DNAH5: variants seen among roughly 807,000 people sequenced by gnomAD.
The protein encoded by DNAH5 is dynein axonemal heavy chain 5.
DNAH5 carries 372 observed loss-of-function variants against 518.2 expected under a neutral mutation model. The ratio of observed to expected loss-of-function variants is 0.72; its 90% CI spans 0.66 to 0.78. The LOEUF is 0.78. Ranked by LOEUF, DNAH5 falls within the 30% of genes least tolerant of loss-of-function variation. The pLI is 0.00. For missense variants in DNAH5, 5,523 were observed against 5,687.0 expected (o/e 0.97, Z 0.93); for synonymous variants, 2,039 against 2,025.9 (o/e 1.01, Z -0.17).
At chr5:13,697,767 ATC>A (rs1270866110) in intron 78 of DNAH5, among the ~76,000 whole-genome samples, 1 of 152,182 alleles carries the variant, frequency 6.6e-6, no homozygotes, top group Non-Finnish European at 1.5e-5. Context: ...AACCCAGCAC[ATC>A]CATTACCACC....
chr5:13,744,485 T>C (rs974765872), intron 65 of DNAH5, among the ~76,000 whole-genome samples: 1 of 152,022 alleles, frequency 6.6e-6, no homozygotes, highest in Non-Finnish European at 1.5e-5. Flanking sequence ...CGAAGGAGAA[T>C]ATTGAATGTT....
At chr5:13,816,005 A>G (rs1761396869) in intron 42 of DNAH5, among the ~76,000 whole-genome samples, 1 of 152,188 alleles carries the variant, frequency 6.6e-6, no homozygotes, top group Non-Finnish European at 1.5e-5. Flanking sequence ...AGACTTCTCA[A>G]GGAAGCAGAA....
chr5:13,842,446 A>AGAAAGAAG (rs1765362836), intron 32 of DNAH5, among the ~76,000 whole-genome samples: 1 of 113,824 alleles, frequency 8.8e-6, no homozygotes, highest in African/African-American at 3.8e-5. Context: ...AAAGAAAGAA[A>AGAAAGAAG]GAAAGAAAGA....
Position 13,768,922 on chromosome 5 carries a change from GC to G in DNAH5, c.9897+37del. The G allele has an allele frequency of 2.5e-6, 4 of 1,608,640 alleles. No individual in the cohort carries two copies. The South Asian group carries it at 4.4e-5, about 18-fold the overall frequency. ...TTTTTAGCATTAGTCTGCCTCTTAA[GC>G]CCTAAAGCTGACATCTGTTATATCA... On this transcript the variant is annotated intron_variant, in intron 58 of 78. Coordinates refer to ENST00000265104, the MANE Select transcript of DNAH5 (RefSeq NM_001369.3).
chr5:13,928,808 G>A lies in DNAH5; in HGVS notation c.193-630C>T, dbSNP rs554221757. Among the ~76,000 whole-genome samples the A allele has an allele frequency of 3.8e-4, 58 of 152,278 alleles. 2 individuals carry two copies. Among genetic ancestry groups the A allele is most frequent in the African/African-American group, 1.2e-3 (51 of 41,552 alleles). ...AAGATAAAATCCACACACCCATTAGGCATTAGGATGGCTACCACCAAAAAA... is the reference window on the plus strand; with the variant it reads ...AAGATAAAATCCACACACCCATTAGACATTAGGATGGCTACCACCAAAAAA... On this transcript the variant is annotated intron_variant, in intron 2 of 78. Transcript: ENST00000265104.
upstream of DNAH5, among the ~76,000 whole-genome samples, chr5:13,946,244 G>A (rs1779906290): frequency 6.6e-6 from 1 of 152,226 alleles, no homozygotes; most frequent in Admixed American, 6.5e-5. Flanking sequence ...CGCTTGGGGA[G>A]AGTTACTTCC....
rs1283070426 is a variant in DNAH5 at position 13,753,247 on chromosome 5, G to T, written c.10858C>A (p.Arg3620=). ...GKIWIKNKES[R]NELQITSLNH... is the part of the protein sequence containing the mutation. ...ACACAAATTACCTGGAGTTCATTTC[G>T]GCTTTCTTTATTTTTAATCCAGATC... is the stretch of plus-strand genomic sequence containing the variant. Residue 3620 remains arginine (R), a synonymous_variant, in exon 63 of 79, where the codon CGA becomes AGA. Transcript: ENST00000265104. 2 of 1,613,372 alleles carry T rather than the reference G, an allele frequency of 1.2e-6. No individual in the cohort carries two copies. Among genetic ancestry groups the T allele is most frequent in the Non-Finnish European group, 1.7e-6 (2 of 1,179,516 alleles).
At chr5:13,746,536 TATGAAGC>T (rs1749361354) in intron 65 of DNAH5, among the ~76,000 whole-genome samples, 1 of 152,152 alleles carries the variant, frequency 6.6e-6, no homozygotes, top group African/African-American at 2.4e-5. Context: ...TCCACAGGCC[TATGAAGC>T]ATCATATCTT....
chr5:13,834,238 A>G (rs1481077212), intron 35 of DNAH5, among the ~76,000 whole-genome samples: 1 of 52,840 alleles, frequency 1.9e-5, no homozygotes, highest in East Asian at 1.3e-3. Flanking sequence ...TTTTTAATAT[A>G]AAAAAAATAC....
chr5:13,740,399 C>A (rs1748294923), intron 65 of DNAH5, among the ~76,000 whole-genome samples: 1 of 152,138 alleles, frequency 6.6e-6, no homozygotes, highest in African/African-American at 2.4e-5. Flanking sequence ...AAGGTAAAGA[C>A]CTTACCAAGG....
intron 1 of DNAH5, among the ~76,000 whole-genome samples, chr5:13,988,091 T>C (rs372843221): frequency 6.6e-6 from 1 of 152,202 alleles, no homozygotes; most frequent in Admixed American, 6.5e-5. Context: ...TCCGCTCTTA[T>C]TTTGGTTGAT....
chr5:13,938,828 A>G (rs1779200671), intron 1 of DNAH5, among the ~76,000 whole-genome samples: 1 of 152,210 alleles, frequency 6.6e-6, no homozygotes, highest in African/African-American at 2.4e-5. Context: ...AACCAAGGAC[A>G]TGGATTTGAT....
intron 76 of DNAH5, among the ~76,000 whole-genome samples, chr5:13,706,364 C>A (rs541296239): frequency 6.6e-6 from 1 of 152,324 alleles, no homozygotes; most frequent in South Asian, 2.1e-4. Flanking sequence ...TGGGAGTGAT[C>A]TGTCAGGTCA....
intron 1 of DNAH5, among the ~76,000 whole-genome samples, chr5:13,977,422 G>A (rs950437489): frequency 1.3e-5 from 2 of 152,130 alleles, no homozygotes; most frequent in Non-Finnish European, 2.9e-5. Flanking sequence ...TAGACCGAAA[G>A]GCTTATAAAC....
intron 67 of DNAH5, 67 bp downstream of exon 67, chr5:13,735,750 TA>T: frequency 8.4e-7 from 1 of 1,194,340 alleles, no homozygotes; most frequent in Non-Finnish European, 1.3e-6. Context: ...AAGGAAGTTA[TA>T]AATGTAATGT....
intron 7 of DNAH5, among the ~76,000 whole-genome samples, chr5:13,917,943 T>C (rs1776818290): frequency 6.6e-6 from 1 of 152,194 alleles, no homozygotes; most frequent in Admixed American, 6.5e-5. Context: ...ATGCAAATAG[T>C]TAACAAACAG....
At chr5:13,853,880 A>G (rs886434480) in intron 30 of DNAH5, among the ~76,000 whole-genome samples, 3 of 152,166 alleles carry the variant, frequency 2.0e-5, no homozygotes, top group Non-Finnish European at 4.4e-5. Flanking sequence ...ATGTGAAAAG[A>G]CCAAACCTAC....
chr5:13,692,917 AG>A (rs1740891007), intron 78 of DNAH5, among the ~76,000 whole-genome samples: 3 of 152,160 alleles, frequency 2.0e-5, no homozygotes, highest in African/African-American at 7.2e-5. Flanking sequence ...ACAATTCATG[AG>A]GGCCCTCTTT....
intron 1 of DNAH5, among the ~76,000 whole-genome samples, chr5:13,977,925 G>T (rs1782387490): frequency 6.6e-6 from 1 of 152,120 alleles, no homozygotes; most frequent in Non-Finnish European, 1.5e-5. Flanking sequence ...AGAAAGAGAG[G>T]CGACTCTCTC....
Sources: allele counts gnomAD v4.1 joint callset (sites outside exome capture counted in the v4.1 genomes callset), GRCh38; gene constraint gnomAD v4.1.1; transcripts MANE v1.5; gene names NCBI Gene and HGNC (gene_info 2026-07-23, HGNC 2026-07-21).